Variants in PKP4 observed in about 807,000 individuals in gnomAD.
PKP4 encodes the protein plakophilin 4, also known as plakophilin-4.
Under a neutral mutation model 145.1 loss-of-function variants are expected in PKP4, and 90 were observed. That is an observed-to-expected ratio of 0.62 (90% CI 0.52 to 0.74). The LOEUF is 0.74. Among genes scored for constraint, PKP4 ranks in the 30% least tolerant of loss-of-function variants. The pLI, the probability that PKP4 is intolerant of heterozygous loss-of-function variation, is 0.00. For missense variants in PKP4, 1,340 were observed against 1,482.7 expected (o/e 0.90, Z 1.58); for synonymous variants, 563 against 577.2 (o/e 0.98, Z 0.35).
At chr2:158,655,668 C>T (rs2055837978) in intron 11 of PKP4, among the ~76,000 whole-genome samples, 1 of 152,230 alleles carries the variant, frequency 6.6e-6, no homozygotes. Flanking sequence ...AAATGCAGCT[C>T]TCTGCCATGC....
chr2:158,542,296 G>C (rs2044591571), intron 2 of PKP4, among the ~76,000 whole-genome samples: 2 of 152,048 alleles, frequency 1.3e-5, no homozygotes, highest in Admixed American at 1.3e-4. Context: ...TTTTATTTCA[G>C]TTAGCAAAGA....
intron 4 of PKP4, among the ~76,000 whole-genome samples, chr2:158,603,393 A>G (rs2050386426): frequency 6.6e-6 from 1 of 152,218 alleles, no homozygotes; most frequent in African/African-American, 2.4e-5. Flanking sequence ...GCTGACTTCA[A>G]AAAAAGTTAT....
chr2:158,679,832 G>C (rs1380399477), intron 21 of PKP4, among the ~76,000 whole-genome samples: 1 of 152,168 alleles, frequency 6.6e-6, no homozygotes, highest in Non-Finnish European at 1.5e-5. Flanking sequence ...TCTGCCTTGA[G>C]ATTGCTTATT....
intron 1 of PKP4, among the ~76,000 whole-genome samples, chr2:158,531,026 C>T (rs1245367930): frequency 6.6e-6 from 1 of 152,022 alleles, no homozygotes; most frequent in Non-Finnish European, 1.5e-5. Context: ...GGTGATGAGC[C>T]CCCTAATGGT....
intron 13 of PKP4, 101 bp from the exon 14 acceptor site, chr2:158,662,774 CTCATAAATAAAAAGTAGTTCTT>C: frequency 1.4e-6 from 1 of 695,452 alleles, no homozygotes; most frequent in South Asian, 3.1e-5. Flanking sequence ...GTTTCAAGTT[CTCATAAATAAAAAGTAGTTCTT>C]TCATATTTCC....
rs781645007 is a variant in PKP4, at chr2:158,680,714, AC to A, written c.*39del. The stretch of plus-strand genomic sequence containing the variant: ...CCAACAGAGGAACTCTTTCTTTCTA[AC>A]CTTGTTCAGATTGAGGTGAAAAGTC... On this transcript the variant is annotated 3_prime_UTR_variant, in exon 22 of 22. Coordinates refer to ENST00000389759, the MANE Select transcript of PKP4 (RefSeq NM_003628.6). 2.6e-6 allele frequency: 4 copies of A among 1,540,616 alleles called. No individual in the cohort carries two copies. The East Asian group carries it at 6.8e-5, about 26-fold the overall frequency.
chr2:158,626,421 A>G (rs2052791662), intron 7 of PKP4, among the ~76,000 whole-genome samples: 1 of 152,128 alleles, frequency 6.6e-6, no homozygotes, highest in Admixed American at 6.5e-5. Flanking sequence ...TTTCCTCCTA[A>G]TGGACAGTTA....
chr2:158,667,968 C>T (rs1413242387), intron 16 of PKP4, among the ~76,000 whole-genome samples: 2 of 152,162 alleles, frequency 1.3e-5, no homozygotes, highest in East Asian at 1.9e-4. Flanking sequence ...ATGGTTGACA[C>T]GTATATCCTG....
intron 2 of PKP4, among the ~76,000 whole-genome samples, chr2:158,540,530 T>C (rs1332432297): frequency 1.3e-5 from 2 of 152,186 alleles, no homozygotes; most frequent in Non-Finnish European, 2.9e-5. Context: ...CTATTTCATA[T>C]AGTTTCTACT....
rs750486690 is a variant in PKP4, at chr2:158,621,056, T to C, written c.347T>C (p.Ile116Thr). The change falls in exon 5 of 22, where the codon ATC becomes ACC. Residue 116 changes from isoleucine to threonine, a missense_variant. By Grantham distance (89) the Ile-to-Thr change is moderately conservative (BLOSUM62 -1). Coordinates refer to ENST00000389759, the MANE Select transcript of PKP4 (RefSeq NM_003628.6). The part of the protein sequence containing the change: ...SDAVQPNNYL[I>T]RTEPEQGTLY... ...GCTGTCCAGCCCAACAACTATCTCA[T>C]CAGGACAGAGCCAGAACAAGGAACC... is the stretch of plus-strand genomic sequence containing the variant. 4 of 1,613,946 alleles carry C rather than the reference T, an allele frequency of 2.5e-6. No individual in the cohort carries two copies. The highest frequency in any genetic ancestry group is 4.5e-5 in the East Asian group (2 of 44,892).
At chr2:158,555,683 G>A (rs2046025590) in intron 2 of PKP4, among the ~76,000 whole-genome samples, 2 of 152,220 alleles carry the variant, frequency 1.3e-5, no homozygotes, top group Non-Finnish European at 2.9e-5. Context: ...GCCTTTGGTT[G>A]ATTTTCTGAT....
At chr2:158,654,270 G>C (rs757520329) in intron 11 of PKP4, among the ~76,000 whole-genome samples, 49 of 152,154 alleles carry the variant, frequency 3.2e-4, no homozygotes, top group Non-Finnish European at 6.0e-4. Context: ...CTGCCTTTTG[G>C]TGGGTCCCTT....
chr2:158,578,090 CT>C (rs1317111404), intron 3 of PKP4: 2 of 168,980 alleles, frequency 1.2e-5, no homozygotes, highest in Admixed American at 1.3e-4. Context: ...TAAGTTTGAT[CT>C]GCTTACACTT....
At chr2:158,458,349 A>T (rs542847036) in intron 1 of PKP4, 1 of 152,502 alleles carries the variant, frequency 6.6e-6, no homozygotes, top group South Asian at 2.1e-4. Flanking sequence ...GCTTCCCTCC[A>T]TGCGGCAGAG....
intron 1 of PKP4, among the ~76,000 whole-genome samples, chr2:158,480,269 C>T (rs1693146420): frequency 6.6e-6 from 1 of 152,120 alleles, no homozygotes; most frequent in Non-Finnish European, 1.5e-5. Context: ...CAGAGTCTTA[C>T]CTTGTAGCCC....
rs372117161 is a variant in PKP4, at chr2:158,574,557, A to G, written c.133-2714A>G. On this transcript the variant is annotated intron_variant, in intron 2 of 21. Transcript: ENST00000389759. ...TCAAATATTGATATCCCACTCATAC[A>G]TCTTGGTGCCATTCACATGTGCGTG... Among the ~76,000 whole-genome samples the G allele has an allele frequency of 1.3e-4, 20 of 152,322 alleles. 2 individuals carry two copies. The highest frequency in any genetic ancestry group is 1.2e-3 in the South Asian group (6 of 4,828).
chr2:158,605,978 C>A (rs2050622588), intron 4 of PKP4, among the ~76,000 whole-genome samples: 1 of 152,102 alleles, frequency 6.6e-6, no homozygotes, highest in African/African-American at 2.4e-5. Flanking sequence ...GTAGTTTATT[C>A]CTTTTTATGG....
intron 1 of PKP4, chr2:158,457,644 T>TA (rs1223173630): frequency 6.6e-6 from 1 of 152,650 alleles, no homozygotes; most frequent in African/African-American, 2.4e-5. Context: ...TCGACACCAC[T>TA]GGGCGCCCGC....
intron 1 of PKP4, among the ~76,000 whole-genome samples, chr2:158,516,333 T>A (rs2041938574): frequency 6.6e-6 from 1 of 152,178 alleles, no homozygotes; most frequent in Non-Finnish European, 1.5e-5. Context: ...AACAAGATTC[T>A]TAGGGATTTT....
Sources: gnomAD v4.1 joint callset for allele counts (sites outside exome capture counted in the v4.1 genomes callset) on GRCh38, gnomAD v4.1.1 for gene constraint, MANE v1.5 for transcripts, NCBI Gene and HGNC (gene_info 2026-07-23, HGNC 2026-07-21) for gene names.